PRELID2: variants seen among roughly 807,000 people sequenced by gnomAD.
The protein encoded by PRELID2 is PRELI domain-containing protein 2.
Under a neutral mutation model 28.4 loss-of-function variants are expected in PRELID2, and 25 were observed. The ratio of observed to expected loss-of-function variants is 0.88; its 90% CI spans 0.64 to 1.23. The LOEUF is 1.23. Ranked by LOEUF, PRELID2 falls within the 50% of genes most tolerant of loss-of-function variation. PRELID2 has a pLI of 0.00. For synonymous variants in PRELID2, 76 were observed against 71.6 expected, an observed-to-expected ratio of 1.06 and a Z score of -0.31; for missense variants, 201 against 214.4, an observed-to-expected ratio of 0.94 and a Z score of 0.39.
At chr5:145,419,621 T>C in the PRELID2 span, among the ~76,000 whole-genome samples, 7 of 151,302 alleles carry the variant, frequency 4.6e-5, no homozygotes, top group East Asian at 1.9e-4. Flanking sequence ...TTGTAGATTC[T>C]GGATATTAGC....
intron 1 of PRELID2, among the ~76,000 whole-genome samples, chr5:145,506,942 T>C (rs886751265): frequency 2.6e-5 from 4 of 152,186 alleles, no homozygotes; most frequent in African/African-American, 9.6e-5. Context: ...GTTTATTGTA[T>C]GCATAAATTT....
At chr5:145,304,482 A>T in the PRELID2 span, among the ~76,000 whole-genome samples, 1 of 152,080 alleles carries the variant, frequency 6.6e-6, no homozygotes, top group African/African-American at 2.4e-5. Flanking sequence ...TAAACACTTC[A>T]TTTCTGTTTA....
In PRELID2 at chr5:145,591,926, T is replaced by A. The variant is rs139789587; in HGVS notation, n.71-118611A>T. 5.1e-3 allele frequency among the ~76,000 whole-genome samples: 778 copies of A among 152,340 alleles called. 8 individuals are homozygous for A. Among genetic ancestry groups the A allele is most frequent in the African/African-American group, 0.018 (740 of 41,580 alleles). On this transcript the variant is annotated intron_variant and non_coding_transcript_variant, in intron 1 of 2. Coordinates refer to the PRELID2 transcript ENST00000510259. ...CTGCTGTGCTATCGTCTAAACCTACTATGTCAGTCTCACTGCTTCATGTAC... is the reference window on the plus strand; with the variant it reads ...CTGCTGTGCTATCGTCTAAACCTACAATGTCAGTCTCACTGCTTCATGTAC...
At chr5:145,818,085 A>T in intron 3 of PRELID2, 31 bp from the exon 4 acceptor site, 1 of 1,604,788 alleles carries the variant, frequency 6.2e-7, no homozygotes, top group Non-Finnish European at 8.5e-7. Context: ...GGCTTTTTCA[A>T]TTTAGGAAGA....
intron 1 of PRELID2, among the ~76,000 whole-genome samples, chr5:145,722,831 T>C (rs998751372): frequency 6.6e-6 from 1 of 152,018 alleles, no homozygotes; most frequent in Non-Finnish European, 1.5e-5. Flanking sequence ...AAAAATACAG[T>C]TTACCAACAT....
At chr5:145,528,718 CACACACACAG>C (rs1182536531) in intron 1 of PRELID2, among the ~76,000 whole-genome samples, 123 of 135,296 alleles carry the variant, frequency 9.1e-4, no homozygotes, top group East Asian at 2.9e-3. Context: ...CACACACACA[CACACACACAG>C]AGAGAGAGAG....
At chr5:145,526,870 T>C (rs1303525553) in intron 1 of PRELID2, among the ~76,000 whole-genome samples, 2 of 152,230 alleles carry the variant, frequency 1.3e-5, no homozygotes, top group African/African-American at 4.8e-5. Flanking sequence ...TTTACCCATT[T>C]ATTTGCAGTG....
chr5:145,454,789 G>C, the PRELID2 span, among the ~76,000 whole-genome samples: 1 of 152,128 alleles, frequency 6.6e-6, no homozygotes, highest in Admixed American at 6.6e-5. Context: ...TTTGAGAAGT[G>C]TCTGTTCATA....
intron 1 of PRELID2, among the ~76,000 whole-genome samples, chr5:145,658,492 A>T (rs979312864): frequency 6.6e-6 from 1 of 152,220 alleles, no homozygotes; most frequent in African/African-American, 2.4e-5. Context: ...ACTGGGGCAG[A>T]TCTCTCATGA....
intron 5 of PRELID2, among the ~76,000 whole-genome samples, chr5:145,782,061 G>T (rs1751672865): frequency 6.6e-6 from 1 of 152,148 alleles, no homozygotes; most frequent in African/African-American, 2.4e-5. Context: ...GAGATTAGAG[G>T]AACTAGTGGG....
At chr5:145,427,409 A>AT in the PRELID2 span, among the ~76,000 whole-genome samples, 1 of 152,010 alleles carries the variant, frequency 6.6e-6, no homozygotes, top group Non-Finnish European at 1.5e-5. Flanking sequence ...CAGCCTTAAT[A>AT]TTTTTTTTAT....
rs35455268 is a variant in PRELID2 at position 145,600,420 on chromosome 5, G to GA, written n.71-127106dup. On this transcript the variant is annotated intron_variant and non_coding_transcript_variant, in intron 1 of 2. Coordinates refer to the PRELID2 transcript ENST00000510259. ...AAGGCATGAGCTTCTCTCAGGGGGG[G>GA]AAAAAAAAAAAAAAATATATATATA... 6.1e-3 allele frequency among the ~76,000 whole-genome samples: 753 copies of GA among 124,110 alleles called. 22 individuals carry two copies. Among genetic ancestry groups the GA allele is most frequent in the African/African-American group, 0.019 (520 of 27,296 alleles). 81.4% of individuals were successfully genotyped at this position (124,110 alleles called of 152,430 possible).
the PRELID2 span, chr5:145,230,196 C>T: frequency 2.4e-5 from 9 of 381,398 alleles, no homozygotes; most frequent in South Asian, 6.6e-5. Flanking sequence ...AGCTTTGTTC[C>T]GTGGTCCCCC....
chr5:145,711,236 G>A (rs151074764), intron 1 of PRELID2, among the ~76,000 whole-genome samples: 2 of 152,198 alleles, frequency 1.3e-5, no homozygotes, highest in African/African-American at 4.8e-5. Context: ...TCATAGAAGA[G>A]TGTTGTTGCC....
At chr5:145,634,997 G>T (rs1753981373) in intron 1 of PRELID2, among the ~76,000 whole-genome samples, 1 of 152,066 alleles carries the variant, frequency 6.6e-6, no homozygotes, top group Non-Finnish European at 1.5e-5. Context: ...GCTCCACACA[G>T]TCCTACCTCT....
intron 3 of PRELID2, 37 bp downstream of exon 3, chr5:145,819,908 A>G: frequency 8.0e-7 from 1 of 1,249,478 alleles, no homozygotes; most frequent in South Asian, 1.3e-5. Context: ...AAATTACTCA[A>G]TGTTACAACT....
intron 1 of PRELID2, among the ~76,000 whole-genome samples, chr5:145,679,788 G>T (rs997476500): frequency 6.7e-6 from 1 of 150,054 alleles, no homozygotes; most frequent in Non-Finnish European, 1.5e-5. Context: ...GGAGAGTTTG[G>T]AGAGGTGAGG....
At chr5:145,796,345 T>A (rs1752745972) in intron 5 of PRELID2, 97 bp downstream of exon 5, 1 of 616,314 alleles carries the variant, frequency 1.6e-6, no homozygotes, top group African/African-American at 1.9e-5. Flanking sequence ...TATATGTTTT[T>A]CTCATTATGT....
the PRELID2 span, among the ~76,000 whole-genome samples, chr5:145,334,409 T>C: frequency 0.26 from 39,193 of 152,054 alleles, 5,517 homozygotes; most frequent in African/African-American, 0.37. Context: ...TCTATTTATA[T>C]TGTGTGTCAT....
Sources: allele counts gnomAD v4.1 joint callset (sites outside exome capture counted in the v4.1 genomes callset), GRCh38; gene constraint gnomAD v4.1.1; transcripts MANE v1.5; gene names NCBI Gene and HGNC (gene_info 2026-07-23, HGNC 2026-07-21).